Variants in RALYL observed in about 807,000 individuals in gnomAD.
RALYL encodes RNA-binding Raly-like protein.
Under a neutral mutation model 35.1 loss-of-function variants are expected in RALYL, and 29 were observed. The ratio of observed to expected loss-of-function variants is 0.83; its 90% CI spans 0.61 to 1.13. The LOEUF (loss-of-function observed/expected upper bound fraction) is 1.13. Ranked by LOEUF, RALYL falls within the 50% of genes most tolerant of loss-of-function variation. The pLI is 0.00. For missense variants in RALYL, 359 were observed against 360.4 expected, an observed-to-expected ratio of 1.00 and a Z score of 0.03; for synonymous variants, 120 against 127.6, an observed-to-expected ratio of 0.94 and a Z score of 0.40.
intron 2 of RALYL, among the ~76,000 whole-genome samples, chr8:84,565,502 A>G (rs2061722050): frequency 6.6e-6 from 1 of 151,566 alleles, no homozygotes; most frequent in Non-Finnish European, 1.5e-5. Context: ...GGTTTTATAA[A>G]TTTTGACAGT....
Position 84,184,886 on chromosome 8 carries a change from C to G in RALYL, c.-24+462C>G, listed in dbSNP as rs1228175881. 2.3e-6 allele frequency: 3 copies of G among 1,291,186 alleles called. No homozygotes were observed. The East Asian group carries it at 6.9e-5, about 30-fold the overall frequency. 80.0% of individuals were successfully genotyped at this position (1,291,186 alleles called of 1,614,324 possible). A position where few individuals can be genotyped will look rare whatever the true frequency, so the allele number is the denominator to read the frequency against. ...ATGGGGGTAGAAGCGGCAGAGACCG[C>G]ATATTCCGGAGGGGCTGGCTCCAGG... On this transcript the variant is annotated intron_variant, in intron 1 of 8. Coordinates refer to ENST00000521268, the MANE Select transcript of RALYL (RefSeq NM_173848.7).
chr8:84,313,849 A>G (rs1843255029), intron 1 of RALYL, among the ~76,000 whole-genome samples: 1 of 152,298 alleles, frequency 6.6e-6, no homozygotes, highest in Admixed American at 6.5e-5. Context: ...AAACTGTTCC[A>G]AAGTCTTCCT....
rs146329947 is a variant in RALYL at position 84,352,526 on chromosome 8, T to C, written c.-24+168102T>C. 2.7e-4 allele frequency among the ~76,000 whole-genome samples: 40 copies of C among 150,444 alleles called. No homozygotes were observed. The East Asian group carries it at 7.6e-3, about 28-fold the overall frequency. On this transcript the variant is annotated intron_variant, in intron 1 of 8. Coordinates refer to ENST00000521268, the MANE Select transcript of RALYL (RefSeq NM_173848.7). ...CTATTTTACAAATGAGGAAACTGAA[T>C]GTCAGACAACTTAATAACTTTCCCA...
At chr8:84,334,241 A>T (rs1483171148) in intron 1 of RALYL, among the ~76,000 whole-genome samples, 1 of 152,136 alleles carries the variant, frequency 6.6e-6, no homozygotes, top group Non-Finnish European at 1.5e-5. Flanking sequence ...TTATCTCACC[A>T]TATTCAGTAC....
At chr8:84,436,070 A>T (rs2047679601) in intron 1 of RALYL, among the ~76,000 whole-genome samples, 6 of 152,178 alleles carry the variant, frequency 3.9e-5, no homozygotes, top group Admixed American at 3.9e-4. Flanking sequence ...ACCAAACATC[A>T]CCTGTTTCCC....
intron 1 of RALYL, among the ~76,000 whole-genome samples, chr8:84,195,395 G>T (rs1296898851): frequency 1.3e-5 from 2 of 151,948 alleles, no homozygotes; most frequent in East Asian, 3.9e-4. Flanking sequence ...AGCCAAGATC[G>T]CACCATTGCA....
chr8:84,644,714 T>C (rs1827106447), intron 2 of RALYL, among the ~76,000 whole-genome samples: 1 of 152,092 alleles, frequency 6.6e-6, no homozygotes, highest in African/African-American at 2.4e-5. Context: ...TTTTGAATCA[T>C]TGTGTTCCAA....
chr8:84,848,902 T>C (rs1835235564), intron 4 of RALYL, among the ~76,000 whole-genome samples: 1 of 152,202 alleles, frequency 6.6e-6, no homozygotes, highest in Non-Finnish European at 1.5e-5. Context: ...TTAAGACTTC[T>C]TCCAGGTTGG....
intron 1 of RALYL, among the ~76,000 whole-genome samples, chr8:84,351,573 T>TA (rs1850892982): frequency 6.7e-6 from 1 of 149,790 alleles, no homozygotes; most frequent in African/African-American, 2.5e-5. Context: ...TACCCTTCAA[T>TA]ATGGCCCATT....
At chr8:84,522,464 T>C (rs1427209322) in intron 1 of RALYL, among the ~76,000 whole-genome samples, 1 of 151,862 alleles carries the variant, frequency 6.6e-6, no homozygotes, top group African/African-American at 2.4e-5. Flanking sequence ...TTAGCCGGGA[T>C]AGTCTCGATC....
intron 2 of RALYL, among the ~76,000 whole-genome samples, chr8:84,595,064 C>T (rs759435869): frequency 2.6e-5 from 4 of 152,096 alleles, no homozygotes; most frequent in Non-Finnish European, 5.9e-5. Context: ...AATATGCAAG[C>T]TAGACAACAT....
chr8:84,621,796 A>T (rs560543911), intron 2 of RALYL, among the ~76,000 whole-genome samples: 1 of 152,180 alleles, frequency 6.6e-6, no homozygotes, highest in African/African-American at 2.4e-5. Flanking sequence ...AAATTCAGAC[A>T]GATTCTCAAG....
chr8:84,916,368 T>A (rs1324892850), intron 8 of RALYL, among the ~76,000 whole-genome samples: 4 of 151,916 alleles, frequency 2.6e-5, no homozygotes. Flanking sequence ...ATATGGTAAG[T>A]CATATGGTTT....
At chr8:84,817,687 T>TG (rs1315634301) in intron 4 of RALYL, among the ~76,000 whole-genome samples, 1 of 152,028 alleles carries the variant, frequency 6.6e-6, no homozygotes, top group Non-Finnish European at 1.5e-5. Context: ...CCCAAGTAGC[T>TG]GGAACTATAG....
At position 84,234,777 on chromosome 8, in the gene RALYL, T is replaced by A. The variant is rs550447676; in HGVS notation, c.-24+50353T>A. ...ATTTTATTTATTTATTTATTTTTTT[T>A]TTTTTGAGATGGAGTCTCGCTCTGT... On this transcript the variant is annotated intron_variant, in intron 1 of 8. Coordinates refer to ENST00000521268, the MANE Select transcript of RALYL (RefSeq NM_173848.7). Among the ~76,000 whole-genome samples the A allele has an allele frequency of 2.1e-3, 317 of 151,450 alleles. 1 individual carries two copies. Among genetic ancestry groups the A allele is most frequent in the African/African-American group, 5.9e-3 (240 of 41,016 alleles).
chr8:84,187,034 C>T lies in RALYL; in HGVS notation c.-24+2610C>T, dbSNP rs537873220. On this transcript the variant is annotated intron_variant, in intron 1 of 8. Coordinates refer to ENST00000521268, the MANE Select transcript of RALYL (RefSeq NM_173848.7). ...CAGATCTTTTCAACTGCTTACTAAGCGAGAAGGAGGGAAAAAAAAGTTTCT... is the reference window on the plus strand; with the variant it reads ...CAGATCTTTTCAACTGCTTACTAAGTGAGAAGGAGGGAAAAAAAAGTTTCT... 1.1e-3 allele frequency among the ~76,000 whole-genome samples: 170 copies of T among 151,358 alleles called. 1 individual carries two copies. Among genetic ancestry groups the T allele is most frequent in the African/African-American group, 3.9e-3 (159 of 40,962 alleles).
chr8:84,552,006 G>A (rs189724172), intron 2 of RALYL, among the ~76,000 whole-genome samples: 2 of 152,082 alleles, frequency 1.3e-5, no homozygotes, highest in Admixed American at 6.6e-5. Flanking sequence ...ACACATGCAT[G>A]TGCACACATA....
chr8:84,296,560 G>A (rs1287794032), intron 1 of RALYL, among the ~76,000 whole-genome samples: 1 of 150,552 alleles, frequency 6.6e-6, no homozygotes, highest in African/African-American at 2.4e-5. Context: ...GTGACATGCC[G>A]AGTCACAAGA....
intron 1 of RALYL, among the ~76,000 whole-genome samples, chr8:84,335,527 TG>T (rs1847606995): frequency 6.6e-6 from 1 of 151,932 alleles, no homozygotes; most frequent in African/African-American, 2.4e-5. Flanking sequence ...GTGCAAACTG[TG>T]GGGGACACAA....
Sources: gnomAD v4.1 joint callset for allele counts (sites outside exome capture counted in the v4.1 genomes callset) on GRCh38, gnomAD v4.1.1 for gene constraint, MANE v1.5 for transcripts, NCBI Gene and HGNC (gene_info 2026-07-23, HGNC 2026-07-21) for gene names.